The following APC variants were observed in gnomAD, a reference collection of about 807,000 sequenced individuals.
APC encodes adenomatous polyposis coli protein.
Under a neutral mutation model 247.0 loss-of-function variants are expected in APC, and 72 were observed. The ratio of observed to expected loss-of-function variants is 0.29; its 90% CI spans 0.24 to 0.35. The LOEUF is 0.35. Among genes scored for constraint, APC ranks in the 10% least tolerant of loss-of-function variants. APC has a pLI of 1.00. For missense variants in APC, 3,400 were observed against 3,360.7 expected (o/e 1.01, Z -0.29); for synonymous variants, 1,254 against 1,162.5 (o/e 1.08, Z -1.60).
chr5:112,809,542 C>T (rs903002429), intron 8 of APC, among the ~76,000 whole-genome samples: 2 of 146,596 alleles, frequency 1.4e-5, no homozygotes, highest in African/African-American at 5.1e-5. Context: ...AAAGAGGGAA[C>T]AGTTAACAGT....
chr5:112,827,609 A>T (rs1016238766), intron 12 of APC, among the ~76,000 whole-genome samples: 2 of 152,246 alleles, frequency 1.3e-5, no homozygotes, highest in Non-Finnish European at 2.9e-5. Context: ...AAATCTAAAA[A>T]TTCTTAAGAC....
rs1580629000 is a variant in APC at position 112,838,529 on chromosome 5, A to G, written c.2935A>G (p.Met979Val). 6.2e-7 allele frequency: 1 copy of G among 1,614,236 alleles called. No individual in the cohort carries two copies. Among genetic ancestry groups the G allele is most frequent in the Non-Finnish European group, 8.5e-7 (1 of 1,180,020 alleles). ...TGATGGTTATGGTAAAAGAGGTCAA[A>G]TGAAACCCTCGATTGAATCCTATTC... ...SSDGYGKRGQ[M>V]KPSIESYSED... Residue 979 changes from methionine (M) to valine (V), a missense_variant, in exon 16 of 16, where the codon ATG (methionine) becomes GTG (valine). Coordinates refer to ENST00000257430, the MANE Select transcript of APC (RefSeq NM_000038.6).
intron 14 of APC, among the ~76,000 whole-genome samples, chr5:112,830,258 A>G (rs1764164327): frequency 6.6e-6 from 1 of 152,226 alleles, no homozygotes; most frequent in Non-Finnish European, 1.5e-5. Flanking sequence ...TCACTGTTGA[A>G]TGGAGAGAAG....
At chr5:112,761,588 A>G (rs931294815) in intron 2 of APC, among the ~76,000 whole-genome samples, 3 of 152,244 alleles carry the variant, frequency 2.0e-5, no homozygotes, top group African/African-American at 7.2e-5. Context: ...AAAATATTCA[A>G]ACTGAAGCAC....
intron 1 of APC, among the ~76,000 whole-genome samples, chr5:112,745,525 GAAAT>G (rs1251669315): frequency 6.6e-6 from 1 of 150,872 alleles, no homozygotes; most frequent in East Asian, 1.9e-4. Flanking sequence ...GTAAAGTAAG[GAAAT>G]AAATGAATTA....
chr5:112,815,434 G>A (rs1330396385), intron 8 of APC, 61 bp from the exon 9 acceptor site: 1 of 1,195,736 alleles, frequency 8.4e-7, no homozygotes, highest in Non-Finnish European at 1.2e-6. Context: ...ACCTTAACAT[G>A]ATGTTATCTG....
intron 14 of APC, among the ~76,000 whole-genome samples, chr5:112,831,281 G>T (rs1764273199): frequency 6.6e-6 from 1 of 152,052 alleles, no homozygotes; most frequent in Non-Finnish European, 1.5e-5. Flanking sequence ...GCTAGTTTTT[G>T]TATTTTTAGT....
In APC at chr5:112,841,368, C is replaced by G. The variant is rs762682111; in HGVS notation, c.5774C>G (p.Pro1925Arg). The G allele has an allele frequency of 6.2e-7, 1 of 1,613,508 alleles. No individual in the cohort carries two copies. Among genetic ancestry groups the G allele is most frequent in the Non-Finnish European group, 8.5e-7 (1 of 1,179,538 alleles). The change falls in exon 16 of 16, where the codon CCC becomes CGC. Residue 1925 changes from proline to arginine, a missense_variant. Around this residue, in one of 9 missense-constraint regions of APC, gnomAD observed 1,788 missense variants for 1,649.5 expected, o/e 1.08. Transcript: ENST00000257430. This position sits in a 1 kb window ranked among gnomAD's most constrained non-coding sequence, Gnocchi z 4.6. ...CCAATAAATCGAGGTCAGCCTAAAC[C>G]CATACTTCAGAAACAATCCACTTTT... ...KQPINRGQPK[P>R]ILQKQSTFPQ... is the part of the protein sequence containing the mutation.
intron 14 of APC, among the ~76,000 whole-genome samples, chr5:112,831,297 C>T (rs777465435): frequency 1.3e-5 from 2 of 151,968 alleles, no homozygotes; most frequent in African/African-American, 2.4e-5. Context: ...TTAGTAGAGA[C>T]GGGGTTTCAC....
intron 14 of APC, among the ~76,000 whole-genome samples, chr5:112,831,374 TG>T (rs1764283506): frequency 6.6e-6 from 1 of 152,240 alleles, no homozygotes; most frequent in African/African-American, 2.4e-5. Context: ...TCCAAAGTGC[TG>T]GGATTACAGG....
At chr5:112,735,543 TC>T (rs1396487183), upstream of APC, among the ~76,000 whole-genome samples, 3 of 151,524 alleles carry the variant, frequency 2.0e-5, no homozygotes, top group African/African-American at 7.3e-5. Context: ...AATAACATCT[TC>T]AATCAAATAG....
rs74747084 is a variant in APC, at chr5:112,827,541, G to T, written c.1548+294G>T. Among the ~76,000 whole-genome samples, 2 of 151,972 alleles carry T rather than the reference G, an allele frequency of 1.3e-5. No homozygotes were observed. The highest frequency in any genetic ancestry group is 4.1e-4 in the South Asian group (2 of 4,830). On this transcript the variant is annotated intron_variant, in intron 12 of 15. Transcript: ENST00000257430. ...ATTTCTGTGATCCATTACTAGAGAA[G>T]TTTAACTGTGTAGAATTAAAAAATA... is the stretch of plus-strand genomic sequence containing the variant.
intron 7 of APC, 42 bp downstream of exon 7, chr5:112,792,571 T>A (rs2149685170): frequency 7.2e-7 from 1 of 1,396,588 alleles, no homozygotes; most frequent in Non-Finnish European, 1.0e-6. Context: ...TAAAAATAGG[T>A]AGTTATTCTG....
chr5:112,733,408 G>A (rs146214070), upstream of APC, among the ~76,000 whole-genome samples: 670 of 152,308 alleles, frequency 4.4e-3, 3 homozygotes, highest in Middle Eastern at 0.01. Flanking sequence ...ACTTAAGAGT[G>A]GAAGAGGGAG....
At chr5:112,731,263 A>G (rs1752083052) in intron 1 of APC, among the ~76,000 whole-genome samples, 1 of 152,184 alleles carries the variant, frequency 6.6e-6, no homozygotes, top group Non-Finnish European at 1.5e-5. Context: ...CTTGAGTATA[A>G]GAATTGCCTT....
chr5:112,808,118 G>A (rs1254714109), intron 8 of APC, among the ~76,000 whole-genome samples: 3 of 152,082 alleles, frequency 2.0e-5, no homozygotes, highest in African/African-American at 7.2e-5. Context: ...TCGCACCACT[G>A]CACTCCACCC....
intron 1 of APC, among the ~76,000 whole-genome samples, chr5:112,708,564 A>AC: frequency 6.6e-6 from 1 of 152,334 alleles, no homozygotes; most frequent in Middle Eastern, 3.4e-3. Context: ...TATTCGTTTT[A>AC]AAAAAGAAGA....
intron 9 of APC, among the ~76,000 whole-genome samples, chr5:112,816,436 T>C (rs533098278): frequency 1.7e-4 from 26 of 152,362 alleles, no homozygotes; most frequent in African/African-American, 5.8e-4. Flanking sequence ...GTGAGCTTTC[T>C]TAGAGTATCT....
At chr5:112,762,827 T>C (rs1581147648) in intron 2 of APC, among the ~76,000 whole-genome samples, 1 of 152,242 alleles carries the variant, frequency 6.6e-6, no homozygotes, top group East Asian at 1.9e-4. Context: ...TGTGCCTCAA[T>C]AAAACAGGAA....
Sources: allele counts gnomAD v4.1 joint callset (sites outside exome capture counted in the v4.1 genomes callset), GRCh38; gene constraint gnomAD v4.1.1; regional missense constraint gnomAD v4.1.1; non-coding constraint Gnocchi (gnomAD v3.1); transcripts MANE v1.5; gene names NCBI Gene and HGNC (gene_info 2026-07-23, HGNC 2026-07-21).